Variants in SGCD observed in about 807,000 individuals in gnomAD.
SGCD encodes delta-sarcoglycan.
SGCD carries 18 observed loss-of-function variants against 36.6 expected under a neutral mutation model. The ratio of observed to expected loss-of-function variants is 0.49; its 90% confidence interval spans 0.34 to 0.73. The LOEUF (loss-of-function observed/expected upper bound fraction) is 0.73. SGCD is among the 30% of genes least tolerant of loss of function. The pLI, the probability that SGCD is intolerant of heterozygous loss-of-function variation, is 0.01. For missense variants in SGCD, 387 were observed against 346.7 expected (o/e 1.12, Z -0.92); for synonymous variants, 133 against 130.6 (o/e 1.02, Z -0.12).
the SGCD span, among the ~76,000 whole-genome samples, chr5:155,732,194 A>T: frequency 2.2e-4 from 34 of 152,304 alleles, no homozygotes; most frequent in African/African-American, 7.7e-4. Flanking sequence ...CTGCCCATTT[A>T]AAACTCACAG....
At chr5:156,701,560 G>A (rs1179264056) in intron 7 of SGCD, among the ~76,000 whole-genome samples, 1 of 152,122 alleles carries the variant, frequency 6.6e-6, no homozygotes, top group East Asian at 1.9e-4. Context: ...GGGGATGGGG[G>A]ACACTGGTGA....
chr5:156,075,360 A>C (rs1760743060), intron 1 of SGCD, among the ~76,000 whole-genome samples: 1 of 152,146 alleles, frequency 6.6e-6, no homozygotes, highest in South Asian at 2.1e-4. Flanking sequence ...AAAAAGAAAA[A>C]ACTACAAACA....
chr5:156,494,208 A>G (rs749757022), intron 3 of SGCD, among the ~76,000 whole-genome samples: 2 of 152,122 alleles, frequency 1.3e-5, no homozygotes, highest in African/African-American at 2.4e-5. Flanking sequence ...GTGCATGCAT[A>G]CACATAGCCT....
intron 7 of SGCD, among the ~76,000 whole-genome samples, chr5:156,709,593 C>T (rs770014453): frequency 1.3e-5 from 2 of 152,124 alleles, no homozygotes; most frequent in African/African-American, 4.8e-5. Flanking sequence ...TTAAAATAAT[C>T]CTATATACTT....
At chr5:156,498,027 C>T (rs888528961) in intron 3 of SGCD, among the ~76,000 whole-genome samples, 1 of 152,160 alleles carries the variant, frequency 6.6e-6, no homozygotes, top group Non-Finnish European at 1.5e-5. Flanking sequence ...AGACACCCTT[C>T]ATCAAGTTGG....
intron 1 of SGCD, among the ~76,000 whole-genome samples, chr5:156,005,389 C>T (rs1758736137): frequency 6.6e-6 from 1 of 152,082 alleles, no homozygotes; most frequent in Non-Finnish European, 1.5e-5. Context: ...AATCATGCTA[C>T]AATGAAAATT....
At chr5:156,738,579 C>G (rs1030917033) in intron 7 of SGCD, 1 of 152,142 alleles carries the variant, frequency 6.6e-6, no homozygotes, top group Non-Finnish European at 1.5e-5. Context: ...TAGCCACTTA[C>G]CTTTGAACAT....
At chr5:155,817,144 A>G in the SGCD span, among the ~76,000 whole-genome samples, 2 of 152,146 alleles carry the variant, frequency 1.3e-5, no homozygotes, top group African/African-American at 4.8e-5. Flanking sequence ...ATCTATTGCA[A>G]TTTACTAAAT....
chr5:156,118,900 G>A (rs2127601842), intron 2 of SGCD, among the ~76,000 whole-genome samples: 1 of 152,248 alleles, frequency 6.6e-6, no homozygotes, highest in Admixed American at 6.5e-5. Flanking sequence ...TTAATACTTA[G>A]CCAGCCAAAA....
the SGCD span, among the ~76,000 whole-genome samples, chr5:155,831,728 G>A: frequency 6.6e-6 from 1 of 152,184 alleles, no homozygotes; most frequent in Non-Finnish European, 1.5e-5. Flanking sequence ...CTGCAATCGG[G>A]TCTGATCAGT....
the SGCD span, among the ~76,000 whole-genome samples, chr5:155,834,003 A>C: frequency 6.6e-6 from 1 of 152,208 alleles, no homozygotes; most frequent in Non-Finnish European, 1.5e-5. Flanking sequence ...AGTTTTGCTC[A>C]TGGTGTGGCT....
chr5:156,755,218 G>C (rs1181845426), intron 7 of SGCD, among the ~76,000 whole-genome samples: 1 of 152,180 alleles, frequency 6.6e-6, no homozygotes, highest in Non-Finnish European at 1.5e-5. Flanking sequence ...TAAAAGACGT[G>C]TTAACTGAGG....
intron 7 of SGCD, among the ~76,000 whole-genome samples, chr5:156,729,946 C>G (rs1433634333): frequency 6.6e-6 from 1 of 152,132 alleles, no homozygotes; most frequent in Non-Finnish European, 1.5e-5. Context: ...ATACTTCTGA[C>G]AGGGAACCAC....
chr5:156,254,732 A>G (rs1561586381), intron 3 of SGCD, among the ~76,000 whole-genome samples: 1 of 152,154 alleles, frequency 6.6e-6, no homozygotes, highest in Non-Finnish European at 1.5e-5. Context: ...CTGTGGCCCA[A>G]GCTACTTGGC....
At chr5:155,753,277 C>A in the SGCD span, among the ~76,000 whole-genome samples, 1 of 150,918 alleles carries the variant, frequency 6.6e-6, no homozygotes, top group East Asian at 1.9e-4. Context: ...ATGGAGGTTG[C>A]AGTGAGCCGA....
At chr5:155,840,731 G>A in the SGCD span, among the ~76,000 whole-genome samples, 1 of 151,550 alleles carries the variant, frequency 6.6e-6, no homozygotes, top group East Asian at 2.0e-4. Context: ...CAAGACACAG[G>A]CCGGGAGTGG....
At chr5:155,752,610 AC>A in the SGCD span, among the ~76,000 whole-genome samples, 2 of 151,696 alleles carry the variant, frequency 1.3e-5, no homozygotes, top group Non-Finnish European at 2.9e-5. Context: ...CTGATTCCTA[AC>A]CCCCATAGGA....
At chr5:156,493,203 G>C (rs1202490666) in intron 3 of SGCD, among the ~76,000 whole-genome samples, 2 of 152,144 alleles carry the variant, frequency 1.3e-5, no homozygotes, top group Admixed American at 1.3e-4. Flanking sequence ...GAGAATGGCT[G>C]AATCAAGCTA....
chr5:156,267,644 G>T (rs988222752), intron 3 of SGCD, among the ~76,000 whole-genome samples: 4 of 152,174 alleles, frequency 2.6e-5, no homozygotes, highest in African/African-American at 9.6e-5. Flanking sequence ...CAAGCCAGCT[G>T]CAGGGACAGC....
Sources: allele counts gnomAD v4.1 joint callset (sites outside exome capture counted in the v4.1 genomes callset), GRCh38; gene constraint gnomAD v4.1.1; transcripts MANE v1.5; gene names NCBI Gene and HGNC (gene_info 2026-07-23, HGNC 2026-07-21).